The following TBC1D32 variants were observed in gnomAD, a reference collection of about 807,000 sequenced individuals.
The protein encoded by TBC1D32 is TBC1 domain family member 32, also known as protein broad-minded.
TBC1D32 carries 151 observed loss-of-function variants against 170.3 expected under a neutral mutation model. The ratio of observed to expected loss-of-function variants is 0.89; its 90% CI spans 0.78 to 1.01. The LOEUF is 1.01. Among genes scored for constraint, TBC1D32 ranks in the 50% least tolerant of loss-of-function variants. TBC1D32 has a pLI of 0.00. For missense variants in TBC1D32, 1,464 were observed against 1,457.1 expected (o/e 1.00, Z -0.08); for synonymous variants, 498 against 488.0 (o/e 1.02, Z -0.27).
chr6:121,090,706 C>G, intron 31 of TBC1D32, 147 bp downstream of exon 31: 1 of 674,488 alleles, frequency 1.5e-6, no homozygotes, highest in Non-Finnish European at 2.4e-6. Flanking sequence ...CCTCAGTTTA[C>G]TCATCTCTAA....
intron 31 of TBC1D32, among the ~76,000 whole-genome samples, chr6:121,090,415 T>C (rs1279756698): frequency 1.3e-5 from 2 of 152,186 alleles, no homozygotes; most frequent in African/African-American, 2.4e-5. Flanking sequence ...CTTTTTAAAA[T>C]GAGTGCTATG....
chr6:121,247,695 C>CAAAAAA (rs34914027), intron 17 of TBC1D32, among the ~76,000 whole-genome samples: 901 of 46,314 alleles, frequency 0.019, 88 homozygotes, highest in African/African-American at 0.061. Flanking sequence ...GGCTTTAAAG[C>CAAAAAA]AAAAAAAAAA....
chr6:121,099,463 T>A (rs914352882), intron 30 of TBC1D32, among the ~76,000 whole-genome samples: 3 of 151,934 alleles, frequency 2.0e-5, no homozygotes, highest in Non-Finnish European at 4.4e-5. Flanking sequence ...GTACTCTAGT[T>A]GAGCTTATTT....
At position 121,239,149 on chromosome 6, in the gene TBC1D32, A is replaced by G. The variant is rs1253661264; in HGVS notation, c.2285T>C (p.Leu762Pro). ...CCTAACATCATCTCTTCCATATTCCAGATTGGACCATAATTCAGTTATAAG... is the reference window on the plus strand; with the variant it reads ...CCTAACATCATCTCTTCCATATTCCGGATTGGACCATAATTCAGTTATAAG... ...NELITELWSN[L>P]EYGRDDVRVT... Residue 762 changes from leucine (L) to proline (P), a missense_variant, in exon 20 of 32, where the codon CTG (leucine) becomes CCG (proline). By Grantham distance (98) the Leu-to-Pro change is moderately conservative (BLOSUM62 -3). Transcript: ENST00000398212. 6.2e-7 allele frequency: 1 copy of G among 1,603,424 alleles called. No individual in the cohort carries two copies. The highest frequency in any genetic ancestry group is 1.1e-5 in the South Asian group (1 of 89,698).
At chr6:121,150,869 T>C (rs924040946) in intron 24 of TBC1D32, among the ~76,000 whole-genome samples, 2 of 133,962 alleles carry the variant, frequency 1.5e-5, no homozygotes, top group African/African-American at 4.9e-5. Flanking sequence ...TCATTTTTTA[T>C]TGTGTCTATT....
intron 17 of TBC1D32, among the ~76,000 whole-genome samples, chr6:121,254,169 A>G (rs570836388): frequency 6.6e-6 from 1 of 152,332 alleles, no homozygotes; most frequent in Non-Finnish European, 1.5e-5. Flanking sequence ...GTTCTCACTT[A>G]TAAGTGGGAG....
chr6:121,174,909 T>C (rs1416487762), intron 22 of TBC1D32, among the ~76,000 whole-genome samples: 3 of 151,426 alleles, frequency 2.0e-5, no homozygotes, highest in Admixed American at 6.6e-5. Context: ...CACACACCCA[T>C]AGGTCCCAGC....
chr6:121,249,410 C>T (rs1336733328), intron 17 of TBC1D32, among the ~76,000 whole-genome samples: 1 of 151,904 alleles, frequency 6.6e-6, no homozygotes, highest in Non-Finnish European at 1.5e-5. Flanking sequence ...TGAAAAAAGA[C>T]AAGGATACCC....
intron 8 of TBC1D32, among the ~76,000 whole-genome samples, chr6:121,303,973 C>T (rs890258491): frequency 6.6e-6 from 1 of 151,812 alleles, no homozygotes; most frequent in Non-Finnish European, 1.5e-5. Flanking sequence ...CCTTTTCAGA[C>T]TCACAGATTA....
At chr6:121,316,323 A>G (rs73767206) in intron 3 of TBC1D32, among the ~76,000 whole-genome samples, 2,885 of 152,206 alleles carry the variant, frequency 0.019, 92 homozygotes, top group African/African-American at 0.066. Context: ...GCAAATAAGT[A>G]AGAGCATATA....
intron 1 of TBC1D32, among the ~76,000 whole-genome samples, chr6:121,322,392 C>T (rs1238384129): frequency 6.6e-6 from 1 of 152,162 alleles, no homozygotes; most frequent in Non-Finnish European, 1.5e-5. Context: ...TACTACCTTA[C>T]ACATGCCCAA....
chr6:121,313,106 GTGTGT>G (rs1808449797), intron 3 of TBC1D32, among the ~76,000 whole-genome samples: 1 of 594 alleles, frequency 1.7e-3, no homozygotes. Flanking sequence ...AGCTAAGGTG[GTGTGT>G]GTGTGTGTGT....
intron 22 of TBC1D32, among the ~76,000 whole-genome samples, chr6:121,197,923 T>G (rs1368006136): frequency 6.6e-6 from 1 of 152,030 alleles, no homozygotes; most frequent in Non-Finnish European, 1.5e-5. Context: ...CACCATCTAA[T>G]CAGCTGCTAG....
chr6:121,285,153 T>G (rs1294454428), intron 12 of TBC1D32, among the ~76,000 whole-genome samples: 1 of 152,166 alleles, frequency 6.6e-6, no homozygotes, highest in Non-Finnish European at 1.5e-5. Context: ...ATTTTTTAAA[T>G]GTGTCAGAGG....
chr6:121,129,268 T>C (rs1781170809), intron 25 of TBC1D32, among the ~76,000 whole-genome samples: 1 of 152,214 alleles, frequency 6.6e-6, no homozygotes, highest in South Asian at 2.1e-4. Context: ...AGTATAGTAT[T>C]CAAGAAATTA....
intron 29 of TBC1D32, among the ~76,000 whole-genome samples, chr6:121,110,498 T>TA (rs1277756118): frequency 6.6e-6 from 1 of 151,656 alleles, no homozygotes; most frequent in Non-Finnish European, 1.5e-5. Context: ...ATTGAGGAAA[T>TA]AGGTTGATTT....
chr6:121,085,232 T>C (rs529243567), intron 31 of TBC1D32, among the ~76,000 whole-genome samples: 15 of 138,588 alleles, frequency 1.1e-4, no homozygotes, highest in South Asian at 2.4e-4. Context: ...CATATATATA[T>C]ACACATATAC....
chr6:121,085,300 CATAT>C (rs1368570179), intron 31 of TBC1D32, among the ~76,000 whole-genome samples: 2 of 143,114 alleles, frequency 1.4e-5, no homozygotes, highest in African/African-American at 2.6e-5. Flanking sequence ...TATATACATA[CATAT>C]ATATACATAT....
intron 4 of TBC1D32, 127 bp from the exon 5 acceptor site, chr6:121,308,228 T>A: frequency 1.1e-6 from 1 of 896,190 alleles, no homozygotes; most frequent in Non-Finnish European, 1.7e-6. Flanking sequence ...ATTTATCAGA[T>A]GCCTTTATAT....
Sources: allele counts gnomAD v4.1 joint callset (sites outside exome capture counted in the v4.1 genomes callset), GRCh38; gene constraint gnomAD v4.1.1; transcripts MANE v1.5; gene names NCBI Gene and HGNC (gene_info 2026-07-23, HGNC 2026-07-21).